NAV3: variants seen among roughly 807,000 people sequenced by gnomAD.
The protein encoded by NAV3 is pore membrane and/or filament interacting like protein 1.
A neutral mutation model predicts 244.7 loss-of-function variants in NAV3; 87 were observed. That is an observed-to-expected ratio of 0.36 (90% CI 0.30 to 0.42). The LOEUF (loss-of-function observed/expected upper bound fraction) is 0.42, where lower values mean the gene tolerates loss of function less well. Among genes scored for constraint, NAV3 ranks in the 20% least tolerant of loss-of-function variants. The pLI, the probability that NAV3 is intolerant of heterozygous loss-of-function variation, is 1.00. For synonymous variants in NAV3, 1,126 were observed against 1,042.2 expected, an observed-to-expected ratio of 1.08 and a Z score of -1.55; for missense variants, 2,663 against 2,893.3, an observed-to-expected ratio of 0.92 and a Z score of 1.83.
chr12:77,975,875 T>C (rs1396456780), intron 5 of NAV3, among the ~76,000 whole-genome samples: 1 of 151,990 alleles, frequency 6.6e-6, no homozygotes, highest in Non-Finnish European at 1.5e-5. Flanking sequence ...GTGTTGAAAA[T>C]AGAGTGTAGT....
At chr12:78,161,047 T>G (rs1041485532) in intron 23 of NAV3, among the ~76,000 whole-genome samples, 3 of 152,084 alleles carry the variant, frequency 2.0e-5, no homozygotes, top group African/African-American at 7.2e-5. Flanking sequence ...TTAGAAGGCT[T>G]TTTAGAGCAG....
At position 77,771,438 on chromosome 12, in the gene NAV3, CATGCTGCTATAAAGACACATGCA is replaced by C. The variant is rs1363463663; in HGVS notation, c.73-168880_73-168858del. The stretch of plus-strand genomic sequence containing the variant: ...GGTATATACCCAAAGGACTATAAAT[CATGCTGCTATAAAGACACATGCA>C]CATGCATGTTTATTGCAGCACTATT... On this transcript the variant is annotated intron_variant, in intron 2 of 8. Transcript: ENST00000550042. 3.2e-3 allele frequency among the ~76,000 whole-genome samples: 482 copies of C among 152,274 alleles called. 3 individuals carry two copies. The highest frequency in any genetic ancestry group is 6.8e-3 in the Middle Eastern group (2 of 294).
intron 3 of NAV3, among the ~76,000 whole-genome samples, chr12:77,955,828 C>A (rs1891308688): frequency 1.3e-5 from 2 of 152,062 alleles, no homozygotes; most frequent in African/African-American, 4.8e-5. Context: ...CAAGATTGTG[C>A]TACTGCATGC....
chr12:77,865,036 T>C (rs1456765485), intron 1 of NAV3, among the ~76,000 whole-genome samples: 5 of 152,050 alleles, frequency 3.3e-5, no homozygotes, highest in Non-Finnish European at 5.9e-5. Context: ...TAATCACTTA[T>C]GGGCATTAAA....
At chr12:78,192,192 A>G (rs1187566921) in intron 34 of NAV3, among the ~76,000 whole-genome samples, 2 of 151,920 alleles carry the variant, frequency 1.3e-5, no homozygotes, top group Non-Finnish European at 2.9e-5. Context: ...TTAGTGTCCT[A>G]TTAACTTTTT....
chr12:77,824,651 G>C (rs1300156153), intron 2 of NAV3, among the ~76,000 whole-genome samples: 1 of 152,006 alleles, frequency 6.6e-6, no homozygotes, highest in East Asian at 1.9e-4. Flanking sequence ...CCAGCACTTT[G>C]GGAGGCCGAG....
At chr12:78,019,490 A>C (rs1312591047) in intron 8 of NAV3, among the ~76,000 whole-genome samples, 1 of 152,166 alleles carries the variant, frequency 6.6e-6, no homozygotes, top group Non-Finnish European at 1.5e-5. Context: ...CAAGAGTATG[A>C]AGTTCTGAAA....
At chr12:77,895,955 TAAAA>T (rs755975061) in intron 1 of NAV3, among the ~76,000 whole-genome samples, 42,527 of 104,134 alleles carry the variant, frequency 0.41, 7,176 homozygotes, top group East Asian at 0.52. Context: ...CAATTTCCAG[TAAAA>T]AAAAAAAAAA....
chr12:77,747,128 TTA>T (rs1239121773), intron 2 of NAV3, among the ~76,000 whole-genome samples: 2 of 152,208 alleles, frequency 1.3e-5, no homozygotes, highest in African/African-American at 2.4e-5. Flanking sequence ...AGTCTGTTGT[TTA>T]TGTTTTGTGA....
chr12:78,201,273 G>T (rs543364678), intron 38 of NAV3, among the ~76,000 whole-genome samples: 1 of 151,568 alleles, frequency 6.6e-6, no homozygotes, highest in African/African-American at 2.4e-5. Context: ...GGTCTCGCTA[G>T]GTTGCTCAGG....
intron 1 of NAV3, among the ~76,000 whole-genome samples, chr12:77,837,181 A>G (rs776299594): frequency 4.0e-5 from 6 of 151,876 alleles, no homozygotes; most frequent in Non-Finnish European, 7.4e-5. Context: ...TAGGACTCAG[A>G]TATATAGAGT....
intron 2 of NAV3, among the ~76,000 whole-genome samples, chr12:77,616,412 T>G (rs1592506872): frequency 6.6e-6 from 1 of 152,214 alleles, no homozygotes; most frequent in African/African-American, 2.4e-5. Context: ...ATGGGTATTT[T>G]GGTGCAAAAA....
At chr12:77,905,423 TAGAG>T (rs1885865740) in intron 1 of NAV3, among the ~76,000 whole-genome samples, 1 of 152,092 alleles carries the variant, frequency 6.6e-6, no homozygotes, top group Non-Finnish European at 1.5e-5. Context: ...ATTTTAAAAA[TAGAG>T]AGGATCTTCA....
At chr12:77,598,040 G>A (rs544136150) in intron 2 of NAV3, among the ~76,000 whole-genome samples, 57 of 152,120 alleles carry the variant, frequency 3.7e-4, no homozygotes, top group Admixed American at 6.6e-4. Flanking sequence ...TATTTCAATT[G>A]TATAACAATG....
intron 2 of NAV3, among the ~76,000 whole-genome samples, chr12:77,795,130 G>A (rs1240492483): frequency 2.0e-5 from 3 of 152,128 alleles, no homozygotes; most frequent in Non-Finnish European, 2.9e-5. Flanking sequence ...TAGCCAAGTA[G>A]CAAATGCAAA....
chr12:77,861,320 A>T (rs1000663910), intron 1 of NAV3, among the ~76,000 whole-genome samples: 100 of 151,828 alleles, frequency 6.6e-4, no homozygotes, highest in African/African-American at 2.4e-3. Flanking sequence ...AAGTTTTGTG[A>T]GTTTTTGTCT....
rs1555249681 is a variant in NAV3, at chr12:77,982,221, G to GAGTACCT, written c.672-12581_672-12580insGTACCTA. 1.0e-4 allele frequency among the ~76,000 whole-genome samples: 13 copies of GAGTACCT among 129,488 alleles called. 1 individual carries two copies. The highest frequency in any genetic ancestry group is 1.6e-4 in the Admixed American group (2 of 12,320). The allele number at this position is 129,488 out of a possible 152,430, so 84.9% of individuals were successfully genotyped here. A position where few individuals can be genotyped will look rare whatever the true frequency, so the allele number is the denominator to read the frequency against. On this transcript the variant is annotated intron_variant, in intron 5 of 39. Transcript: ENST00000397909. ...GTCAATGCATAACATATGGCTTAAT[G>GAGTACCT]AAAGATGATTTGTTGCTATTGATCC...
In NAV3 at chr12:77,994,798, T is replaced by A; in HGVS notation, c.672-5T>A. The A allele has an allele frequency of 6.2e-7, 1 of 1,607,816 alleles. No individual in the cohort carries two copies. The stretch of plus-strand genomic sequence containing the variant: ...AATTCAATTTCTCTGTTTCTCCTCA[T>A]ACAGTCTGGCAGCCAGATATGCAAC... On this transcript the variant is annotated splice_polypyrimidine_tract_variant and splice_region_variant and intron_variant, in intron 5 of 39. Transcript: ENST00000397909.
intron 1 of NAV3, among the ~76,000 whole-genome samples, chr12:77,874,190 C>G (rs1881506946): frequency 6.6e-6 from 1 of 151,940 alleles, no homozygotes; most frequent in Non-Finnish European, 1.5e-5. Context: ...CTAGCCAACA[C>G]TAGGTGTTGG....
Sources: allele counts gnomAD v4.1 joint callset (sites outside exome capture counted in the v4.1 genomes callset), GRCh38; gene constraint gnomAD v4.1.1; transcripts MANE v1.5; gene names NCBI Gene and HGNC (gene_info 2026-07-23, HGNC 2026-07-21).